WDR88: variants seen among roughly 807,000 people sequenced by gnomAD.
The protein encoded by WDR88 is WD repeat domain 88, also known as WD repeat-containing protein 88.
WDR88 carries 40 observed loss-of-function variants against 46.8 expected under a neutral mutation model. That is an observed-to-expected ratio of 0.86 (90% CI 0.66 to 1.11). The LOEUF (loss-of-function observed/expected upper bound fraction) is 1.11. Ranked by LOEUF, WDR88 falls within the 50% of genes most tolerant of loss-of-function variation. The pLI is 0.00. For synonymous variants in WDR88, 235 were observed against 240.7 expected (o/e 0.98, Z 0.22); for missense variants, 562 against 602.4 (o/e 0.93, Z 0.70).
intron 8 of WDR88, 26 bp downstream of exon 8, chr19:33,160,522 G>A (rs1186670361): frequency 1.2e-5 from 19 of 1,612,480 alleles, no homozygotes; most frequent in Non-Finnish European, 1.4e-5. Context: ...ATGAGATTGA[G>A]GATCTGAACT....
intron 6 of WDR88, among the ~76,000 whole-genome samples, chr19:33,154,685 T>C (rs1319026347): frequency 6.6e-6 from 1 of 152,218 alleles, no homozygotes; most frequent in Non-Finnish European, 1.5e-5. Flanking sequence ...TGTGTATTTA[T>C]AGAAGAATGA....
At chr19:33,145,080 C>T in intron 3 of WDR88, 148 bp downstream of exon 3, 2 of 742,216 alleles carry the variant, frequency 2.7e-6, no homozygotes, top group Non-Finnish European at 4.6e-6. Flanking sequence ...CCTGTGGTCT[C>T]AAGCGATTCT....
At position 33,162,257 on chromosome 19, in the gene WDR88, G is replaced by A. The variant is rs574761064; in HGVS notation, c.1080+1761G>A. 5.3e-5 allele frequency among the ~76,000 whole-genome samples: 8 copies of A among 152,168 alleles called. No homozygotes were observed. The South Asian group carries it at 1.5e-3, about 28-fold the overall frequency. ...GCTCTGTCGCCCAGGCTAGAGTGCA[G>A]TGGCATGATCTTGGCTCACTGCAAG... On this transcript the variant is annotated intron_variant, in intron 8 of 10. Coordinates refer to ENST00000355868, the MANE Select transcript of WDR88 (RefSeq NM_173479.4).
intron 9 of WDR88, among the ~76,000 whole-genome samples, chr19:33,170,429 G>T (rs1302252143): frequency 6.6e-6 from 1 of 150,474 alleles, no homozygotes; most frequent in Admixed American, 6.6e-5. Flanking sequence ...ATTCGACCGC[G>T]TTGGCCTCCC....
intron 9 of WDR88, among the ~76,000 whole-genome samples, chr19:33,164,553 G>A (rs1973923581): frequency 6.6e-6 from 1 of 152,220 alleles, no homozygotes; most frequent in East Asian, 1.9e-4. Flanking sequence ...GGGACTTGAA[G>A]GGAAAGCATC....
chr19:33,135,871 T>C (rs1227723298), intron 1 of WDR88, among the ~76,000 whole-genome samples: 1 of 151,960 alleles, frequency 6.6e-6, no homozygotes, highest in Non-Finnish European at 1.5e-5. Flanking sequence ...TTTGGTTTTC[T>C]TTTCTTTCTT....
chr19:33,172,272 T>G (rs189632820), intron 9 of WDR88, 76 bp from the exon 10 acceptor site: 250 of 1,271,332 alleles, frequency 2.0e-4, no homozygotes, highest in Middle Eastern at 1.3e-3. Context: ...CCATGTCTTT[T>G]GATTGTTGAA....
At chr19:33,142,128 G>A (rs1318538614) in intron 2 of WDR88, among the ~76,000 whole-genome samples, 1 of 152,152 alleles carries the variant, frequency 6.6e-6, no homozygotes, top group African/African-American at 2.4e-5. Flanking sequence ...AGATGACTGT[G>A]TAGGGTTATG....
intron 10 of WDR88, among the ~76,000 whole-genome samples, chr19:33,172,788 A>G (rs931622611): frequency 3.3e-5 from 5 of 151,968 alleles, no homozygotes; most frequent in African/African-American, 1.2e-4. Context: ...CCATGCAGAT[A>G]TTTAGAGGAA....
At chr19:33,148,608 T>A (rs1240639546) in intron 4 of WDR88, among the ~76,000 whole-genome samples, 164 bp from the exon 5 acceptor site, 1 of 152,122 alleles carries the variant, frequency 6.6e-6, no homozygotes, top group Non-Finnish European at 1.5e-5. Context: ...ACCTGGCTCA[T>A]GTTTTACTTT....
chr19:33,136,000 C>T (rs1047861758), intron 1 of WDR88, among the ~76,000 whole-genome samples: 5 of 152,012 alleles, frequency 3.3e-5, no homozygotes, highest in African/African-American at 9.7e-5. Context: ...AGCGATTCTC[C>T]TGCCTTAGCC....
intron 10 of WDR88, 86 bp from the exon 11 acceptor site, chr19:33,175,310 A>G: frequency 7.3e-7 from 1 of 1,372,990 alleles, no homozygotes; most frequent in Non-Finnish European, 1.0e-6. Flanking sequence ...GCCCCAGCTC[A>G]AGGTAGCTGG....
At chr19:33,173,575 G>A (rs1974075352) in intron 10 of WDR88, among the ~76,000 whole-genome samples, 3 of 152,260 alleles carry the variant, frequency 2.0e-5, no homozygotes, top group African/African-American at 7.2e-5. Context: ...CTCTCAGAAG[G>A]TTCGGCTGGG....
chr19:33,161,276 A>G (rs1973862085), intron 8 of WDR88, among the ~76,000 whole-genome samples: 1 of 152,140 alleles, frequency 6.6e-6, no homozygotes, highest in South Asian at 2.1e-4. Flanking sequence ...GGGGATGTCA[A>G]CTGAATGCTC....
chr19:33,161,325 G>C (rs1018165970), intron 8 of WDR88, among the ~76,000 whole-genome samples: 4 of 152,170 alleles, frequency 2.6e-5, no homozygotes, highest in Non-Finnish European at 4.4e-5. Context: ...CCCCAACTCA[G>C]AGTGGCTCTA....
chr19:33,134,217 C>T (rs1043125813), intron 1 of WDR88, among the ~76,000 whole-genome samples: 7 of 152,152 alleles, frequency 4.6e-5, no homozygotes, highest in African/African-American at 7.2e-5. Context: ...AAACCTGAAA[C>T]GAGAGCCCCA....
chr19:33,133,543 A>G (rs1056514290), intron 1 of WDR88, among the ~76,000 whole-genome samples: 2 of 152,176 alleles, frequency 1.3e-5, no homozygotes, highest in Non-Finnish European at 2.9e-5. Flanking sequence ...CAAAAACCCA[A>G]TAAAGAACAT....
chr19:33,154,191 T>G (rs1012937517), intron 6 of WDR88, among the ~76,000 whole-genome samples: 5 of 151,752 alleles, frequency 3.3e-5, no homozygotes, highest in South Asian at 2.1e-4. Context: ...ATTTATGTAT[T>G]TATTTATTTA....
intron 2 of WDR88, among the ~76,000 whole-genome samples, chr19:33,144,074 C>CT (rs1973458584): frequency 1.3e-5 from 2 of 152,314 alleles, no homozygotes; most frequent in Non-Finnish European, 1.5e-5. Context: ...CTCTTGGCCA[C>CT]TTGGTGTCAC....
Sources: allele counts gnomAD v4.1 joint callset (sites outside exome capture counted in the v4.1 genomes callset), GRCh38; gene constraint gnomAD v4.1.1; transcripts MANE v1.5; gene names NCBI Gene and HGNC (gene_info 2026-07-23, HGNC 2026-07-21).